CCDC12: variants seen among roughly 807,000 people sequenced by gnomAD.
The protein encoded by CCDC12 is coiled-coil domain-containing protein 12.
Under a neutral mutation model 25.7 loss-of-function variants are expected in CCDC12, and 28 were observed. That is an observed-to-expected ratio of 1.09 (90% CI 0.81 to 1.50). The LOEUF (loss-of-function observed/expected upper bound fraction) is 1.50. Among genes scored for constraint, CCDC12 ranks in the 40% most tolerant of loss-of-function variants. The pLI, the probability that CCDC12 is intolerant of heterozygous loss-of-function variation, is 0.00. For missense variants in CCDC12, 198 were observed against 210.0 expected (o/e 0.94, Z 0.35); for synonymous variants, 75 against 87.7 (o/e 0.86, Z 0.81).
At chr3:46,978,271 A>G (rs1172131724), upstream of CCDC12, among the ~76,000 whole-genome samples, 8 of 152,148 alleles carry the variant, frequency 5.3e-5, no homozygotes, top group East Asian at 1.5e-3. Context: ...TGCAGTTTGG[A>G]GGTGCTCAGG....
At chr3:46,937,788 AC>A (rs756377544) in intron 2 of CCDC12, among the ~76,000 whole-genome samples, 16 of 152,338 alleles carry the variant, frequency 1.1e-4, no homozygotes, top group Admixed American at 5.2e-4. Context: ...GTCTAAAGTT[AC>A]GTCCACATAG....
chr3:46,964,309 C>T (rs2034570399), intron 1 of CCDC12, among the ~76,000 whole-genome samples: 1 of 151,440 alleles, frequency 6.6e-6, no homozygotes, highest in Admixed American at 6.6e-5. Flanking sequence ...GCCCGGCCAG[C>T]CGCCCCATCC....
intron 1 of CCDC12, among the ~76,000 whole-genome samples, chr3:46,974,740 G>GC (rs1406837069): frequency 6.6e-6 from 1 of 152,196 alleles, no homozygotes; most frequent in Non-Finnish European, 1.5e-5. Context: ...AGTGGGAAGT[G>GC]CCCCCCATCT....
chr3:46,948,421 T>A (rs1460291527), intron 1 of CCDC12, among the ~76,000 whole-genome samples: 2 of 152,154 alleles, frequency 1.3e-5, no homozygotes, highest in African/African-American at 4.8e-5. Context: ...AGCGGTGGAC[T>A]AGAACAAGGA....
At chr3:46,947,035 C>G (rs79159669) in intron 1 of CCDC12, among the ~76,000 whole-genome samples, 2 of 152,178 alleles carry the variant, frequency 1.3e-5, no homozygotes, top group Non-Finnish European at 2.9e-5. Context: ...TAGAGACTCA[C>G]CAGGAACTCA....
At chr3:46,952,343 C>CTCAGTT (rs1354621372) in intron 1 of CCDC12, among the ~76,000 whole-genome samples, 2 of 152,186 alleles carry the variant, frequency 1.3e-5, no homozygotes, top group Admixed American at 6.5e-5. Flanking sequence ...GAGGCTGGAC[C>CTCAGTT]AGGTCTGTGC....
upstream of CCDC12, among the ~76,000 whole-genome samples, chr3:46,977,576 A>T (rs1346584381): frequency 6.6e-6 from 1 of 151,394 alleles, no homozygotes; most frequent in African/African-American, 2.4e-5. Flanking sequence ...GGCTCCCCGG[A>T]CTCACCTGAC....
intron 1 of CCDC12, among the ~76,000 whole-genome samples, chr3:46,964,479 T>C (rs941410310): frequency 6.6e-6 from 1 of 152,250 alleles, no homozygotes; most frequent in Non-Finnish European, 1.5e-5. Context: ...GAACGGGCCA[T>C]GATGACAATG....
intron 1 of CCDC12, among the ~76,000 whole-genome samples, chr3:46,945,340 G>A (rs2033862578): frequency 6.6e-6 from 1 of 152,136 alleles, no homozygotes; most frequent in African/African-American, 2.4e-5. Context: ...TCTGGGCTGG[G>A]GCCCTCCCCA....
chr3:46,923,844 G>C (rs901662171), intron 3 of CCDC12, 176 bp from the exon 4 acceptor site: 1 of 451,034 alleles, frequency 2.2e-6, no homozygotes, highest in African/African-American at 2.0e-5. Flanking sequence ...CTGGAGGAGG[G>C]GCCTGGGTTT....
chr3:46,958,675 G>C (rs1002115536), intron 1 of CCDC12, among the ~76,000 whole-genome samples: 6 of 152,150 alleles, frequency 3.9e-5, no homozygotes, highest in African/African-American at 1.4e-4. Context: ...GATAAGGGCA[G>C]GGCAAAGGTT....
rs73831449 is a variant in CCDC12 at position 46,971,737 on chromosome 3, G to A, written c.96+4900C>T. Among the ~76,000 whole-genome samples, 322 of 152,252 alleles carry A rather than the reference G, an allele frequency of 2.1e-3. 3 individuals are homozygous for A. The highest frequency in any genetic ancestry group is 7.4e-3 in the African/African-American group (309 of 41,542). The stretch of plus-strand genomic sequence containing the variant: ...GGCCTCCAGCAAAACCATGCCCACA[G>A]TAAGAACTCAATGAAGGACCTGCCA... On this transcript the variant is annotated intron_variant, in intron 1 of 6. Transcript: ENST00000683445.
chr3:46,924,004 C>T (rs1361212963), intron 3 of CCDC12: 2 of 232,956 alleles, frequency 8.6e-6, no homozygotes, highest in East Asian at 8.9e-5. Flanking sequence ...CTCACATAAT[C>T]CCAGGGCTCC....
intron 1 of CCDC12, among the ~76,000 whole-genome samples, chr3:46,953,796 T>C (rs544988887): frequency 1.3e-5 from 2 of 152,210 alleles, no homozygotes; most frequent in South Asian, 2.1e-4. Flanking sequence ...TAAATCAGGA[T>C]AGACATCTCC....
intron 1 of CCDC12, 150 bp downstream of exon 1, chr3:46,976,487 A>C (rs1320863010): frequency 5.6e-6 from 8 of 1,435,394 alleles, no homozygotes; most frequent in South Asian, 3.0e-5. Context: ...ACATCGTGGG[A>C]GGGCGCCGTC....
chr3:46,956,463 C>T (rs552404953), intron 1 of CCDC12, among the ~76,000 whole-genome samples: 23 of 152,308 alleles, frequency 1.5e-4, no homozygotes, highest in African/African-American at 5.3e-4. Context: ...TGCCTGAGGG[C>T]TACTGTGGTC....
At chr3:46,935,326 C>G (rs1029662801) in intron 2 of CCDC12, among the ~76,000 whole-genome samples, 14 of 152,062 alleles carry the variant, frequency 9.2e-5, no homozygotes, top group South Asian at 4.1e-4. Context: ...TAGGAGGAGG[C>G]GAGTGCTCCT....
chr3:46,939,009 T>C (rs1486449862), intron 2 of CCDC12, among the ~76,000 whole-genome samples: 1 of 152,200 alleles, frequency 6.6e-6, no homozygotes, highest in East Asian at 1.9e-4. Context: ...ATCACACGCC[T>C]GCTTCTTCGT....
At chr3:46,977,179 A>C (rs1040532554), upstream of CCDC12, 1 of 164,704 alleles carries the variant, frequency 6.1e-6, no homozygotes, top group Non-Finnish European at 1.3e-5. Flanking sequence ...AATGCCTTCA[A>C]GAAACCTTCC....
Sources: gnomAD v4.1 joint callset for allele counts (sites outside exome capture counted in the v4.1 genomes callset) on GRCh38, gnomAD v4.1.1 for gene constraint, MANE v1.5 for transcripts, NCBI Gene and HGNC (gene_info 2026-07-23, HGNC 2026-07-21) for gene names.